The following CLSTN2 variants were observed in gnomAD, a reference collection of about 807,000 sequenced individuals.
CLSTN2 encodes the protein calsyntenin-2.
In CLSTN2, 48 loss-of-function variants were observed where a neutral mutation model predicts 101.2. That is an observed-to-expected ratio of 0.47 (90% CI 0.38 to 0.60). CLSTN2 has a LOEUF of 0.60. CLSTN2 is among the 20% of genes least tolerant of loss of function. The probability of loss-of-function intolerance (pLI) is 0.00; values close to 1 mark genes in which losing one functional copy is unlikely to be tolerated. For synonymous variants in CLSTN2, 481 were observed against 463.6 expected, an observed-to-expected ratio of 1.04 and a Z score of -0.48; for missense variants, 1,160 against 1,238.2, an observed-to-expected ratio of 0.94 and a Z score of 0.95.
At chr3:140,201,684 A>G (rs1032621723) in intron 2 of CLSTN2, among the ~76,000 whole-genome samples, 8 of 152,292 alleles carry the variant, frequency 5.3e-5, no homozygotes, top group Admixed American at 1.3e-4. Flanking sequence ...AGAAACTTAG[A>G]ATATATCAGT....
chr3:140,344,671 G>A (rs2107938376), intron 2 of CLSTN2, among the ~76,000 whole-genome samples: 1 of 152,200 alleles, frequency 6.6e-6, no homozygotes. Context: ...TACCTTCCCT[G>A]ATGACACACT....
intron 1 of CLSTN2, among the ~76,000 whole-genome samples, chr3:139,951,818 C>T (rs571037199): frequency 1.3e-5 from 2 of 152,262 alleles, no homozygotes; most frequent in East Asian, 3.9e-4. Context: ...TAGACTCCAG[C>T]AAACTGGCTA....
chr3:140,374,384 C>T (rs1445915380), intron 2 of CLSTN2, among the ~76,000 whole-genome samples: 2 of 152,186 alleles, frequency 1.3e-5, no homozygotes, highest in Non-Finnish European at 2.9e-5. Flanking sequence ...TATAACCCAA[C>T]TCAAGTTCCA....
intron 4 of CLSTN2, among the ~76,000 whole-genome samples, chr3:140,408,814 T>G (rs1559861294): frequency 2.0e-5 from 3 of 152,216 alleles, no homozygotes; most frequent in Non-Finnish European, 1.5e-5. Flanking sequence ...TGTGTACCTG[T>G]GGTTAACCCC....
chr3:140,005,747 T>C (rs528774540), intron 1 of CLSTN2, among the ~76,000 whole-genome samples: 1 of 152,334 alleles, frequency 6.6e-6, no homozygotes, highest in African/African-American at 2.4e-5. Context: ...AAAAAATTAA[T>C]GCAATTTGAA....
chr3:140,456,753 C>CTCTA (rs1218712287), intron 6 of CLSTN2, among the ~76,000 whole-genome samples: 3 of 152,034 alleles, frequency 2.0e-5, no homozygotes, highest in Admixed American at 6.6e-5. Context: ...CGCCACTGTA[C>CTCTA]TCTAGCCTGG....
chr3:140,270,925 G>T (rs556284256), intron 2 of CLSTN2, among the ~76,000 whole-genome samples: 1 of 152,194 alleles, frequency 6.6e-6, no homozygotes, highest in South Asian at 2.1e-4. Flanking sequence ...CTGGGAAGGT[G>T]TCTGCATTTG....
intron 1 of CLSTN2, among the ~76,000 whole-genome samples, chr3:140,055,769 C>T (rs1015874536): frequency 1.3e-5 from 2 of 152,158 alleles, no homozygotes; most frequent in Admixed American, 6.5e-5. Context: ...TAGGAGGAAA[C>T]ATCTCATTTT....
chr3:140,035,359 T>C (rs1022269126), intron 1 of CLSTN2, among the ~76,000 whole-genome samples: 1 of 152,210 alleles, frequency 6.6e-6, no homozygotes, highest in Admixed American at 6.5e-5. Flanking sequence ...GTAAAGCACA[T>C]AGGGCAGTAG....
intron 1 of CLSTN2, among the ~76,000 whole-genome samples, chr3:139,998,521 T>C (rs1312340063): frequency 7.1e-6 from 1 of 141,270 alleles, no homozygotes; most frequent in Non-Finnish European, 1.6e-5. Flanking sequence ...TTTTTTTGTA[T>C]TTTTAGTAGA....
chr3:140,466,973 T>C (rs1366764301), intron 8 of CLSTN2, among the ~76,000 whole-genome samples: 4 of 152,224 alleles, frequency 2.6e-5, no homozygotes, highest in Non-Finnish European at 5.9e-5. Context: ...ACTGGACCTG[T>C]CATGTGCCGT....
chr3:140,002,609 G>A (rs983553345), intron 1 of CLSTN2, among the ~76,000 whole-genome samples: 8 of 152,142 alleles, frequency 5.3e-5, no homozygotes, highest in Admixed American at 4.6e-4. Context: ...CTGTGCTTGC[G>A]GGGTATTACT....
intron 2 of CLSTN2, among the ~76,000 whole-genome samples, chr3:140,194,308 G>A (rs2010613612): frequency 6.6e-6 from 1 of 152,088 alleles, no homozygotes; most frequent in Non-Finnish European, 1.5e-5. Context: ...GGATGAGGAA[G>A]CTCTCTGGAG....
chr3:140,033,700 G>A (rs902322257), intron 1 of CLSTN2, among the ~76,000 whole-genome samples: 3 of 152,214 alleles, frequency 2.0e-5, no homozygotes, highest in African/African-American at 4.8e-5. Flanking sequence ...GGCTCTCAGG[G>A]AGGCTAGGAA....
At chr3:140,354,758 C>G (rs564332855) in intron 2 of CLSTN2, among the ~76,000 whole-genome samples, 1 of 152,184 alleles carries the variant, frequency 6.6e-6, no homozygotes, top group Non-Finnish European at 1.5e-5. Context: ...CTTTTAACTA[C>G]CTTTTGTATA....
At chr3:140,198,160 T>C (rs2010669303) in intron 2 of CLSTN2, among the ~76,000 whole-genome samples, 2 of 152,184 alleles carry the variant, frequency 1.3e-5, no homozygotes, top group South Asian at 4.1e-4. Context: ...TGGGCCATAG[T>C]GGATGGTTGC....
At chr3:140,132,810 G>T (rs558215728) in intron 1 of CLSTN2, among the ~76,000 whole-genome samples, 1 of 152,240 alleles carries the variant, frequency 6.6e-6, no homozygotes, top group East Asian at 1.9e-4. Flanking sequence ...TTACATCTGT[G>T]TTCTTGTGAA....
chr3:140,379,096 T>C (rs2087951362), intron 2 of CLSTN2, among the ~76,000 whole-genome samples: 1 of 152,232 alleles, frequency 6.6e-6, no homozygotes, highest in Non-Finnish European at 1.5e-5. Flanking sequence ...TCTTGTTGTC[T>C]GGCAAGAAAG....
intron 2 of CLSTN2, among the ~76,000 whole-genome samples, chr3:140,276,643 G>C (rs1394187474): frequency 2.0e-5 from 3 of 152,104 alleles, no homozygotes; most frequent in Admixed American, 1.3e-4. Flanking sequence ...CATTTCACTG[G>C]GGACCCTGTG....
Sources: allele counts gnomAD v4.1 joint callset (sites outside exome capture counted in the v4.1 genomes callset), GRCh38; gene constraint gnomAD v4.1.1; transcripts MANE v1.5; gene names NCBI Gene and HGNC (gene_info 2026-07-23, HGNC 2026-07-21).